The following ABLIM1 variants were observed in gnomAD, a reference collection of about 807,000 sequenced individuals.
ABLIM1 encodes actin binding LIM protein 1.
A neutral mutation model predicts 107.0 loss-of-function variants in ABLIM1; 40 were observed. The ratio of observed to expected loss-of-function variants is 0.37; its 90% CI spans 0.29 to 0.49. ABLIM1 has a LOEUF of 0.49. Among genes scored for constraint, ABLIM1 ranks in the 20% least tolerant of loss-of-function variants. The probability of loss-of-function intolerance (pLI) is 0.97; values close to 1 mark genes in which losing one functional copy is unlikely to be tolerated. For missense variants in ABLIM1, 857 were observed against 1,008.5 expected, an observed-to-expected ratio of 0.85 and a Z score of 2.04; for synonymous variants, 357 against 357.3, an observed-to-expected ratio of 1.00 and a Z score of 0.01.
Position 114,619,506 on chromosome 10 carries a change from T to C in ABLIM1, c.245-17545A>G, listed in dbSNP as rs1460055149. Reference sequence around the variant, plus strand: ...GCCACTGTGCCTGGCTGAAATGATATTTTTTTTCTGGAAAAGCTCTTACAC... The same window carrying C: ...GCCACTGTGCCTGGCTGAAATGATACTTTTTTTCTGGAAAAGCTCTTACAC... On this transcript the variant is annotated intron_variant, in intron 1 of 22. Coordinates refer to ENST00000533213, the MANE Select transcript of ABLIM1 (RefSeq NM_002313.7). This position sits in a 1 kb window ranked among gnomAD's most constrained non-coding sequence, Gnocchi z 4.1. Among the ~76,000 whole-genome samples, 3 of 152,064 alleles carry C rather than the reference T, an allele frequency of 2.0e-5. No homozygotes were observed. The highest frequency in any genetic ancestry group is 2.9e-5 in the Non-Finnish European group (2 of 68,006).
At chr10:114,794,102 A>C in the ABLIM1 span, among the ~76,000 whole-genome samples, 1 of 152,184 alleles carries the variant, frequency 6.6e-6, no homozygotes, top group Non-Finnish European at 1.5e-5. Flanking sequence ...CTGTGGCTAC[A>C]CAAGTCTCCT....
At chr10:114,557,538 T>C (rs1166024212) in intron 4 of ABLIM1, among the ~76,000 whole-genome samples, 1 of 152,184 alleles carries the variant, frequency 6.6e-6, no homozygotes, top group Non-Finnish European at 1.5e-5. Context: ...TTTTAGTTAC[T>C]TTGGTCATAG....
At position 114,453,409 on chromosome 10, in the gene ABLIM1, C is replaced by T. The variant is rs777212178; in HGVS notation, c.1516G>A (p.Ala506Thr). Residue 506 changes from alanine to threonine, a missense_variant, in exon 13 of 23, where the codon GCT becomes ACT. Around this residue, in one of 5 missense-constraint regions of ABLIM1, gnomAD observed 381 missense variants for 506.9 expected, o/e 0.75. Transcript: ENST00000533213. ...PDSRPLTPTY[A>T]QAPKHFHVPD... is the part of the protein sequence containing the mutation. Reference sequence around the variant, plus strand: ...ACATGGAAATGTTTAGGGGCCTGAGCGTAAGTTGGAGTTAGAGGGCGGCTG... The same window carrying T: ...ACATGGAAATGTTTAGGGGCCTGAGTGTAAGTTGGAGTTAGAGGGCGGCTG... The T allele has an allele frequency of 1.2e-5, 19 of 1,613,668 alleles. No homozygotes were observed. The highest frequency in any genetic ancestry group is 3.3e-4 in the Middle Eastern group (2 of 6,082).
chr10:114,692,602 A>T (rs1414756350), intron 1 of ABLIM1, among the ~76,000 whole-genome samples: 2 of 152,188 alleles, frequency 1.3e-5, no homozygotes, highest in Non-Finnish European at 1.5e-5. Context: ...TAATAGAGTA[A>T]AAAAACGGGT....
chr10:114,727,376 AAAGTAT>A (rs2081982294), intron 1 of ABLIM1, among the ~76,000 whole-genome samples: 1 of 152,216 alleles, frequency 6.6e-6, no homozygotes, highest in Non-Finnish European at 1.5e-5. Context: ...CAAATGCAAA[AAAGTAT>A]TTCTCAGTCA....
chr10:114,527,789 T>C (rs537899490), intron 6 of ABLIM1, among the ~76,000 whole-genome samples: 1 of 151,086 alleles, frequency 6.6e-6, no homozygotes, highest in Non-Finnish European at 1.5e-5. Context: ...CTCAGCCTCC[T>C]GAGTAGCTGG....
chr10:114,730,901 A>C (rs1430494570), intron 1 of ABLIM1, among the ~76,000 whole-genome samples: 4 of 152,168 alleles, frequency 2.6e-5, no homozygotes, highest in Non-Finnish European at 5.9e-5. Context: ...TCATGTAAAT[A>C]GAATCACACA....
intron 8 of ABLIM1, among the ~76,000 whole-genome samples, chr10:114,486,711 T>G (rs780948542): frequency 8.1e-5 from 9 of 111,644 alleles, no homozygotes; most frequent in Non-Finnish European, 1.4e-4. Context: ...AGAAAAAGTG[T>G]TTTTTTTTCC....
At chr10:114,479,605 C>T in intron 8 of ABLIM1, among the ~76,000 whole-genome samples, 1 of 152,144 alleles carries the variant, frequency 6.6e-6, no homozygotes, top group East Asian at 1.9e-4. Context: ...AGGACAGTTC[C>T]TGGTTTGTTG....
chr10:114,692,598 A>G (rs1472795168), intron 1 of ABLIM1, among the ~76,000 whole-genome samples: 3 of 152,216 alleles, frequency 2.0e-5, no homozygotes, highest in Non-Finnish European at 2.9e-5. Context: ...TTAATAATAG[A>G]GTAAAAAAAC....
intron 2 of ABLIM1, 145 bp downstream of exon 2, chr10:114,601,682 C>G: frequency 7.4e-7 from 1 of 1,360,184 alleles, no homozygotes; most frequent in Non-Finnish European, 1.1e-6. Context: ...AACTGAATCC[C>G]AAACTGGCAG....
In ABLIM1 at chr10:114,431,898, T is replaced by G. The variant is rs1480924402; in HGVS notation, c.*4362A>C. 6 of 152,066 alleles carry G rather than the reference T, an allele frequency of 3.9e-5. No individual in the cohort carries two copies. Among genetic ancestry groups the G allele is most frequent in the African/African-American group, 1.5e-4 (6 of 41,374 alleles). 9.4% of individuals were successfully genotyped at this position (152,066 alleles called of 1,614,324 possible). On this transcript the variant is annotated 3_prime_UTR_variant, in exon 23 of 23. Coordinates refer to ENST00000533213, the MANE Select transcript of ABLIM1 (RefSeq NM_002313.7). Reference sequence around the variant, plus strand: ...TTTTCCATGATTAAACTTGCCCAAATAAAAACATAACAATCCATATGCAAA... The same window carrying G: ...TTTTCCATGATTAAACTTGCCCAAAGAAAAACATAACAATCCATATGCAAA...
At chr10:114,783,275 A>AAAAT in the ABLIM1 span, among the ~76,000 whole-genome samples, 7,600 of 151,572 alleles carry the variant, frequency 0.05, 671 homozygotes, top group African/African-American at 0.17. Flanking sequence ...CTCCGTCTCA[A>AAAAT]AAATAAATAA....
intron 1 of ABLIM1, among the ~76,000 whole-genome samples, chr10:114,676,589 A>C (rs997590021): frequency 4.6e-5 from 7 of 152,154 alleles, no homozygotes; most frequent in South Asian, 2.1e-4. Flanking sequence ...ATTCCCAAGA[A>C]ACTCGGGGGA....
chr10:114,569,769 G>T (rs1425320363), intron 4 of ABLIM1, among the ~76,000 whole-genome samples: 2 of 152,198 alleles, frequency 1.3e-5, no homozygotes, highest in African/African-American at 4.8e-5. Flanking sequence ...TGGTGAAGGA[G>T]TTGAAACCCT....
intron 1 of ABLIM1, among the ~76,000 whole-genome samples, chr10:114,704,328 A>C (rs1417528251): frequency 1.2e-5 from 1 of 82,388 alleles, no homozygotes; most frequent in Admixed American, 1.2e-4. Context: ...ATATATATAT[A>C]TATATATTGC....
Position 114,743,331 on chromosome 10 carries a change from T to C in ABLIM1, c.-213+24730A>G, listed in dbSNP as rs574679173. Among the ~76,000 whole-genome samples, 17 of 152,278 alleles carry C rather than the reference T, an allele frequency of 1.1e-4. No individual in the cohort carries two copies. In the East Asian group the frequency reaches 3.3e-3, roughly 29 times the overall value. The stretch of plus-strand genomic sequence containing the variant: ...AGAACTCTCAGAGTAAGTAACTCAA[T>C]TAGCTATTAAAGGTGTCATATATTT... On this transcript the variant is annotated intron_variant, in intron 1 of 15. Coordinates refer to the ABLIM1 transcript ENST00000651092.
At chr10:114,519,452 G>C (rs1565778974) in intron 6 of ABLIM1, among the ~76,000 whole-genome samples, 1 of 152,166 alleles carries the variant, frequency 6.6e-6, no homozygotes, top group Admixed American at 6.5e-5. Context: ...GGGTGTGAGC[G>C]AGTGCAGATT....
intron 8 of ABLIM1, among the ~76,000 whole-genome samples, chr10:114,476,820 G>T (rs2056513257): frequency 6.6e-6 from 1 of 151,998 alleles, no homozygotes; most frequent in South Asian, 2.1e-4. Context: ...TTAACCACAG[G>T]TAGTCCTTCA....
Sources: gnomAD v4.1 joint callset for allele counts (sites outside exome capture counted in the v4.1 genomes callset) on GRCh38, gnomAD v4.1.1 for gene constraint, gnomAD v4.1.1 regional missense constraint, Gnocchi (gnomAD v3.1) non-coding constraint, MANE v1.5 for transcripts, NCBI Gene and HGNC (gene_info 2026-07-23, HGNC 2026-07-21) for gene names.